Variants in ADAMTS6 observed in about 807,000 individuals in gnomAD.
ADAMTS6 encodes ADAM metallopeptidase with thrombospondin type 1 motif 6, also known as A disintegrin and metalloproteinase with thrombospondin motifs 6.
ADAMTS6 carries 23 observed loss-of-function variants against 144.3 expected under a neutral mutation model. That is an observed-to-expected ratio of 0.16 (90% CI 0.11 to 0.23). The LOEUF (loss-of-function observed/expected upper bound fraction) is 0.23. Among genes scored for constraint, ADAMTS6 ranks in the 10% least tolerant of loss-of-function variants. The pLI is 1.00. For missense variants in ADAMTS6, 999 were observed against 1,379.6 expected (o/e 0.72, Z 4.37); for synonymous variants, 444 against 457.5 (o/e 0.97, Z 0.38).
chr5:65,290,512 C>A (rs1172297245), intron 11 of ADAMTS6, among the ~76,000 whole-genome samples: 1 of 152,110 alleles, frequency 6.6e-6, no homozygotes, highest in African/African-American at 2.4e-5. Flanking sequence ...GATTGCACCA[C>A]TGCACTCCAG....
At chr5:65,365,181 A>G (rs960129283) in intron 7 of ADAMTS6, among the ~76,000 whole-genome samples, 1 of 152,166 alleles carries the variant, frequency 6.6e-6, no homozygotes, top group African/African-American at 2.4e-5. Context: ...TATACTCCAG[A>G]TCACTCATCT....
intron 14 of ADAMTS6, among the ~76,000 whole-genome samples, chr5:65,254,542 G>C (rs1760487388): frequency 6.6e-6 from 1 of 152,210 alleles, no homozygotes; most frequent in Non-Finnish European, 1.5e-5. Context: ...CAGGAGGCCA[G>C]TGTAGGAAGA....
At chr5:65,223,768 T>C (rs920740060) in intron 18 of ADAMTS6, among the ~76,000 whole-genome samples, 2 of 152,046 alleles carry the variant, frequency 1.3e-5, no homozygotes, top group Non-Finnish European at 2.9e-5. Context: ...GCTGCAATGA[T>C]CATGTGAGTG....
chr5:65,274,965 T>C (rs1762341933), intron 11 of ADAMTS6, among the ~76,000 whole-genome samples: 1 of 152,118 alleles, frequency 6.6e-6, no homozygotes, highest in Non-Finnish European at 1.5e-5. Context: ...ATTACAGGCG[T>C]GAGCCACCGT....
chr5:65,352,469 G>T (rs1259194921), intron 7 of ADAMTS6, among the ~76,000 whole-genome samples: 1 of 152,036 alleles, frequency 6.6e-6, no homozygotes, highest in Non-Finnish European at 1.5e-5. Flanking sequence ...AAGGGACGGG[G>T]TAAGAAACTG....
At chr5:65,261,149 AAG>A (rs1309812896) in intron 13 of ADAMTS6, among the ~76,000 whole-genome samples, 28 of 152,304 alleles carry the variant, frequency 1.8e-4, no homozygotes, top group African/African-American at 6.7e-4. Flanking sequence ...CTTTCATTCA[AAG>A]TGAATAATGC....
chr5:65,226,034 A>G, intron 16 of ADAMTS6, 52 bp downstream of exon 16: 1 of 1,547,938 alleles, frequency 6.5e-7, no homozygotes, highest in East Asian at 2.3e-5. Flanking sequence ...GTTAATGAGA[A>G]AAAGATAAAA....
At chr5:65,309,461 G>T (rs1319623282) in intron 9 of ADAMTS6, among the ~76,000 whole-genome samples, 1 of 149,684 alleles carries the variant, frequency 6.7e-6, no homozygotes, top group Non-Finnish European at 1.5e-5. Context: ...CAATGTGGCA[G>T]TGGGGGGGTG....
intron 7 of ADAMTS6, among the ~76,000 whole-genome samples, chr5:65,403,884 A>G (rs189337481): frequency 2.7e-4 from 41 of 152,194 alleles, no homozygotes; most frequent in African/African-American, 9.9e-4. Context: ...ACCTCTTCAG[A>G]AGAGAACAAG....
chr5:65,431,512 C>CTT (rs1756996624), intron 7 of ADAMTS6, among the ~76,000 whole-genome samples: 1 of 152,004 alleles, frequency 6.6e-6, no homozygotes, highest in African/African-American at 2.4e-5. Context: ...TGTAAACTAA[C>CTT]CATAAGACAG....
intron 7 of ADAMTS6, among the ~76,000 whole-genome samples, chr5:65,423,376 AG>A (rs1336487761): frequency 3.3e-5 from 5 of 152,320 alleles, no homozygotes; most frequent in African/African-American, 1.2e-4. Context: ...AAATAAATTG[AG>A]TGACTTACTG....
At chr5:65,324,982 C>T (rs1490051735) in intron 9 of ADAMTS6, among the ~76,000 whole-genome samples, 1 of 152,126 alleles carries the variant, frequency 6.6e-6, no homozygotes, top group Non-Finnish European at 1.5e-5. Flanking sequence ...TACTGATAGA[C>T]ACAACAACAC....
chr5:65,199,393 C>G (rs1291222442), intron 20 of ADAMTS6, among the ~76,000 whole-genome samples: 1 of 152,044 alleles, frequency 6.6e-6, no homozygotes, highest in Non-Finnish European at 1.5e-5. Flanking sequence ...TCAAAAGTAG[C>G]CTTTATTGCA....
chr5:65,374,869 G>T (rs1245516271), intron 7 of ADAMTS6, among the ~76,000 whole-genome samples: 4 of 152,126 alleles, frequency 2.6e-5, no homozygotes, highest in Non-Finnish European at 5.9e-5. Context: ...ATACTACAAG[G>T]CTACAGTAAC....
At chr5:65,174,928 A>G (rs1753877519) in intron 22 of ADAMTS6, among the ~76,000 whole-genome samples, 1 of 152,126 alleles carries the variant, frequency 6.6e-6, no homozygotes, top group Non-Finnish European at 1.5e-5. Flanking sequence ...TGTTACTATG[A>G]CACCAGGAAA....
At chr5:65,402,826 A>T (rs1202879792) in intron 7 of ADAMTS6, among the ~76,000 whole-genome samples, 1 of 152,140 alleles carries the variant, frequency 6.6e-6, no homozygotes, top group Non-Finnish European at 1.5e-5. Flanking sequence ...CATACAATAT[A>T]TGATCCTAAA....
At chr5:65,164,107 C>A (rs1192226443) in intron 24 of ADAMTS6, among the ~76,000 whole-genome samples, 2 of 152,072 alleles carry the variant, frequency 1.3e-5, no homozygotes, top group Non-Finnish European at 2.9e-5. Flanking sequence ...TTCTGCATTT[C>A]CATCTGAGGT....
chr5:65,179,947 TGCAC>T (rs1201228569), intron 22 of ADAMTS6, among the ~76,000 whole-genome samples: 3 of 74,554 alleles, frequency 4.0e-5, no homozygotes, highest in African/African-American at 1.6e-4. Context: ...CACACACATG[TGCAC>T]GCACGCGCAC....
At chr5:65,408,770 G>A (rs1191047651) in intron 7 of ADAMTS6, among the ~76,000 whole-genome samples, 5 of 152,128 alleles carry the variant, frequency 3.3e-5, no homozygotes, top group Admixed American at 1.3e-4. Flanking sequence ...CTCAGCAAAT[G>A]AAAAAGAACA....
Sources: allele counts gnomAD v4.1 joint callset (sites outside exome capture counted in the v4.1 genomes callset), GRCh38; gene constraint gnomAD v4.1.1; transcripts MANE v1.5; gene names NCBI Gene and HGNC (gene_info 2026-07-23, HGNC 2026-07-21).